Variants in BLM observed in about 807,000 individuals in gnomAD.
BLM encodes the protein recQ-like DNA helicase BLM.
BLM carries 95 observed loss-of-function variants against 135.3 expected under a neutral mutation model. The ratio of observed to expected loss-of-function variants is 0.70; its 90% confidence interval spans 0.59 to 0.83. The LOEUF (loss-of-function observed/expected upper bound fraction) is 0.83. Among genes scored for constraint, BLM ranks in the 40% least tolerant of loss-of-function variants. BLM has a pLI of 0.00. For synonymous variants in BLM, 520 were observed against 589.2 expected (o/e 0.88, Z 1.70); for missense variants, 1,518 against 1,663.9 (o/e 0.91, Z 1.53).
chr15:90,738,243 T>G (rs1895269397), intron 1 of BLM, among the ~76,000 whole-genome samples: 1 of 152,136 alleles, frequency 6.6e-6, no homozygotes, highest in Non-Finnish European at 1.5e-5. Context: ...AAGAATTAAG[T>G]CCAATTTTCC....
intron 1 of BLM, among the ~76,000 whole-genome samples, chr15:90,728,893 A>G (rs1044200448): frequency 2.6e-5 from 4 of 152,068 alleles, no homozygotes; most frequent in Admixed American, 6.6e-5. Context: ...TTAAAACAAC[A>G]TAGAGGCCGG....
intron 1 of BLM, among the ~76,000 whole-genome samples, chr15:90,718,589 A>G (rs1255840857): frequency 6.6e-6 from 1 of 152,244 alleles, no homozygotes; most frequent in Non-Finnish European, 1.5e-5. Flanking sequence ...TAATTAAATC[A>G]ACATTTTGTT....
At chr15:90,723,219 G>A (rs1257184589) in intron 1 of BLM, among the ~76,000 whole-genome samples, 2 of 151,946 alleles carry the variant, frequency 1.3e-5, no homozygotes, top group Non-Finnish European at 2.9e-5. Flanking sequence ...AAATAATATA[G>A]CTCAGTTTTG....
In BLM at chr15:90,760,760, G is replaced by A. The variant is rs1028963834; in HGVS notation, c.1387G>A (p.Val463Ile). Residue 463 changes from valine (V) to isoleucine (I), a missense_variant, in exon 7 of 22, where the codon GTT becomes ATT. Val to Ile is a conservative substitution (Grantham distance 29). Around this residue, in one of 5 missense-constraint regions of BLM, gnomAD observed 724 missense variants for 756.9 expected, o/e 0.96. Transcript: ENST00000355112. ...TTTTTCACACCTTCCCTCAAATTCT[G>A]TTTCTCCTGGGGACTGTTTACTGAC... is the stretch of plus-strand genomic sequence containing the variant. The part of the protein sequence containing the change: ...LNFSHLPSNS[V>I]SPGDCLLTTT... 37 of 1,613,902 alleles carry A rather than the reference G, an allele frequency of 2.3e-5. No homozygotes were observed. The highest frequency in any genetic ancestry group is 3.1e-5 in the Non-Finnish European group (36 of 1,180,026).
At position 90,727,400 on chromosome 15, in the gene BLM, C is replaced by T. The variant is rs28745017; in HGVS notation, c.-5+9960C>T. On this transcript the variant is annotated intron_variant, in intron 1 of 21. Transcript: ENST00000355112. ...TTATATTTCATAGATATAACTTGTA[C>T]GTGAATGAGCTAATATAGTAGGCCT... 1.2e-3 allele frequency among the ~76,000 whole-genome samples: 189 copies of T among 152,156 alleles called. 1 individual carries two copies. The highest frequency in any genetic ancestry group is 4.3e-3 in the African/African-American group (180 of 41,474).
Position 90,784,991 on chromosome 15 carries a change from T to G in BLM, c.2733T>G (p.Asp911Glu). ...CCATGGCTGACACGTTACAGAGAGA[T>G]GGGCTCGCTGCTCTTGCTTACCATG... ...CDTMADTLQR[D>E]GLAALAYHAG... The change falls in exon 14 of 22, where the codon GAT becomes GAG. Residue 911 changes from aspartate (D) to glutamate (E), a missense_variant. Physicochemically the swap from Asp to Glu is conservative, Grantham distance 45. Transcript: ENST00000355112. 6.2e-7 allele frequency: 1 copy of G among 1,614,194 alleles called. No individual in the cohort carries two copies. The highest frequency in any genetic ancestry group is 8.5e-7 in the Non-Finnish European group (1 of 1,180,026).
At chr15:90,723,918 C>T (rs1422601344) in intron 1 of BLM, among the ~76,000 whole-genome samples, 1 of 152,094 alleles carries the variant, frequency 6.6e-6, no homozygotes, top group Non-Finnish European at 1.5e-5. Context: ...CTGTGACTGG[C>T]TTACTTCACT....
In BLM at chr15:90,749,524, G is replaced by A. The variant is rs1596218041; in HGVS notation, c.256G>A (p.Val86Ile). 1 of 1,614,118 alleles carries A rather than the reference G, an allele frequency of 6.2e-7. No individual in the cohort carries two copies. Residue 86 changes from valine to isoleucine, a missense_variant, in exon 3 of 22, where the codon GTC (valine) becomes ATC (isoleucine). Val to Ile is a conservative substitution (Grantham distance 29, BLOSUM62 3). Coordinates refer to ENST00000355112, the MANE Select transcript of BLM (RefSeq NM_000057.4). ...ACCCAACACCACAAATCAGCAAAGG[G>A]TCAAGGACTTCTTTAAAAATGCTCC... ...PLPNTTNQQR[V>I]KDFFKNAPAG...
At chr15:90,732,820 G>A (rs1465183038) in intron 1 of BLM, among the ~76,000 whole-genome samples, 1 of 152,206 alleles carries the variant, frequency 6.6e-6, no homozygotes, top group Non-Finnish European at 1.5e-5. Flanking sequence ...TCTTGGCTGG[G>A]CGCAGTGGCT....
chr15:90,777,614 T>C (rs1896513975), intron 12 of BLM, among the ~76,000 whole-genome samples: 1 of 152,234 alleles, frequency 6.6e-6, no homozygotes, highest in Admixed American at 6.5e-5. Context: ...ACCATTTTAA[T>C]GGTAATATCC....
intron 1 of BLM, among the ~76,000 whole-genome samples, chr15:90,736,253 C>A (rs974769373): frequency 3.3e-5 from 5 of 152,080 alleles, no homozygotes; most frequent in African/African-American, 1.2e-4. Flanking sequence ...CCTAAAGATA[C>A]ATTTTCTTTT....
chr15:90,790,385 C>G, intron 14 of BLM: 1 of 474,914 alleles, frequency 2.1e-6, no homozygotes, highest in Non-Finnish European at 3.8e-6. Flanking sequence ...GGCTCTCTTA[C>G]ATGAGAATGC....
intron 7 of BLM, 83 bp downstream of exon 7, chr15:90,761,338 C>T (rs1895983251): frequency 9.5e-7 from 1 of 1,051,946 alleles, no homozygotes; most frequent in Non-Finnish European, 1.3e-6. Flanking sequence ...CATAGCAAAT[C>T]ATCATTGCCT....
At chr15:90,774,732 G>C (rs1896426677) in intron 12 of BLM, among the ~76,000 whole-genome samples, 1 of 151,170 alleles carries the variant, frequency 6.6e-6, no homozygotes, top group African/African-American at 2.4e-5. Context: ...TACTCGGGAG[G>C]CTGAGACAGG....
intron 5 of BLM, among the ~76,000 whole-genome samples, chr15:90,757,247 TTGTC>T (rs1330851142): frequency 1.3e-5 from 2 of 152,210 alleles, no homozygotes; most frequent in Non-Finnish European, 2.9e-5. Flanking sequence ...AGAACAATGT[TTGTC>T]TGTCCTCACT....
intron 16 of BLM, among the ~76,000 whole-genome samples, chr15:90,797,794 A>G (rs1897065521): frequency 6.6e-6 from 1 of 152,232 alleles, no homozygotes; most frequent in South Asian, 2.1e-4. Flanking sequence ...AGCGTTGACT[A>G]TGGCACCAAA....
At chr15:90,808,708 T>G in intron 19 of BLM, 4 of 253,804 alleles carry the variant, frequency 1.6e-5, no homozygotes, top group South Asian at 4.7e-5. Flanking sequence ...CCGTCTAGGG[T>G]GGGGTGTACA....
In BLM at chr15:90,749,618, A is replaced by C; in HGVS notation, c.350A>C (p.Glu117Ala). The change falls in exon 3 of 22, where the codon GAA becomes GCA. Residue 117 changes from glutamate to alanine, a missense_variant. Transcript: ENST00000355112. ...LLPDFLQTPK[E>A]VVCTTQNTPT... ...CCAGATTTCTTGCAGACTCCGAAGG[A>C]AGTTGTATGCACTACCCAAAACACA... 6.2e-7 allele frequency: 1 copy of C among 1,614,176 alleles called. No individual in the cohort carries two copies. Among genetic ancestry groups the C allele is most frequent in the Non-Finnish European group, 8.5e-7 (1 of 1,180,034 alleles).
At chr15:90,733,417 T>G (rs1261969659) in intron 1 of BLM, among the ~76,000 whole-genome samples, 1 of 152,150 alleles carries the variant, frequency 6.6e-6, no homozygotes, top group African/African-American at 2.4e-5. Context: ...AAACATGAGG[T>G]CCAAATGGTT....
Sources: allele counts gnomAD v4.1 joint callset (sites outside exome capture counted in the v4.1 genomes callset), GRCh38; gene constraint gnomAD v4.1.1; regional missense constraint gnomAD v4.1.1; transcripts MANE v1.5; gene names NCBI Gene and HGNC (gene_info 2026-07-23, HGNC 2026-07-21).